ASXL2: variants seen among roughly 807,000 people sequenced by gnomAD.
ASXL2 encodes ASXL transcriptional regulator 2.
Under a neutral mutation model 122.0 loss-of-function variants are expected in ASXL2, and 23 were observed. The observed-to-expected ratio is 0.19, with a 90% confidence interval of 0.14 to 0.27. The LOEUF (loss-of-function observed/expected upper bound fraction) is 0.27. ASXL2 is among the 10% of genes least tolerant of loss of function. The pLI, the probability that ASXL2 is intolerant of heterozygous loss-of-function variation, is 1.00. For synonymous variants in ASXL2, 650 were observed against 637.0 expected (o/e 1.02, Z -0.31); for missense variants, 1,518 against 1,713.8 (o/e 0.89, Z 2.02).
chr2:25,821,698 A>G lies in ASXL2; in HGVS notation c.143+13840T>C, dbSNP rs2089313261. On this transcript the variant is annotated intron_variant, in intron 3 of 12. Coordinates refer to ENST00000435504, the MANE Select transcript of ASXL2 (RefSeq NM_018263.6). ...ATAAAACAAAATGTATCCAGAAAAC[A>G]AAGCACTTGATCACTTGACTAACCA... Among the ~76,000 whole-genome samples the G allele has an allele frequency of 3.3e-5, 5 of 152,222 alleles. No homozygotes were observed. In the South Asian group the frequency reaches 1.0e-3, roughly 32 times the overall value.
intron 3 of ASXL2, among the ~76,000 whole-genome samples, chr2:25,827,477 T>C (rs13418205): frequency 0.28 from 42,140 of 152,104 alleles, 6,146 homozygotes; most frequent in African/African-American, 0.32. Flanking sequence ...TTCCTACACA[T>C]CTTCAGTAAA....
At chr2:25,833,577 T>C (rs998681472) in intron 3 of ASXL2, among the ~76,000 whole-genome samples, 1 of 152,094 alleles carries the variant, frequency 6.6e-6, no homozygotes, top group African/African-American at 2.4e-5. Context: ...GCGCCTGTAA[T>C]CTCAGTTACT....
chr2:25,878,339 T>C lies in ASXL2; in HGVS notation c.-117A>G. 1 of 928,378 alleles carries C rather than the reference T, an allele frequency of 1.1e-6. No homozygotes were observed. Among genetic ancestry groups the C allele is most frequent in the East Asian group, 3.7e-5 (1 of 27,232 alleles). 57.5% of individuals were successfully genotyped at this position (928,378 alleles called of 1,614,324 possible). ...CGGGAAAGGTGGGAGAAAAGGGAAG[T>C]CAGACCGGGGGGGCACCCAAGCAGA... is the stretch of plus-strand genomic sequence containing the variant. On this transcript the variant is annotated 5_prime_UTR_variant, in exon 1 of 13. It removes the in-frame stop codon of an upstream open reading frame in the 5' UTR. Coordinates refer to ENST00000435504, the MANE Select transcript of ASXL2 (RefSeq NM_018263.6).
In ASXL2 at chr2:25,742,839, A is replaced by G; in HGVS notation, c.3498T>C (p.Cys1166=). Residue 1166 remains cysteine, a synonymous_variant, in exon 13 of 13, where the codon TGT becomes TGC. Coordinates refer to ENST00000435504, the MANE Select transcript of ASXL2 (RefSeq NM_018263.6). ...TEALKMGYTD[C]KNATGESSSS... ...TGCTACTCTCTCCTGTTGCATTTTTACAGTCTGTATATCCCATTTTCAAGG... is the reference window on the plus strand; with the variant it reads ...TGCTACTCTCTCCTGTTGCATTTTTGCAGTCTGTATATCCCATTTTCAAGG... 6.2e-7 allele frequency: 1 copy of G among 1,613,868 alleles called. No individual in the cohort carries two copies. Among genetic ancestry groups the G allele is most frequent in the Non-Finnish European group, 8.5e-7 (1 of 1,179,872 alleles).
At chr2:25,784,104 G>A (rs2149163477) in intron 5 of ASXL2, among the ~76,000 whole-genome samples, 1 of 136,422 alleles carries the variant, frequency 7.3e-6, no homozygotes, top group South Asian at 2.3e-4. Context: ...TAAATATAAA[G>A]TTAGCCAGGT....
chr2:25,816,383 C>A (rs2089234480), intron 3 of ASXL2, among the ~76,000 whole-genome samples: 1 of 152,194 alleles, frequency 6.6e-6, no homozygotes, highest in South Asian at 2.1e-4. Context: ...TGTGACCTTG[C>A]AGTACGTTAC....
intron 12 of ASXL2, among the ~76,000 whole-genome samples, chr2:25,746,254 T>C (rs2087939894): frequency 1.3e-5 from 2 of 152,196 alleles, no homozygotes; most frequent in African/African-American, 4.8e-5. Flanking sequence ...AGGTCAGTAG[T>C]CCTCAAAAAC....
intron 12 of ASXL2, among the ~76,000 whole-genome samples, chr2:25,745,593 A>G (rs966936939): frequency 6.8e-6 from 1 of 147,126 alleles, no homozygotes; most frequent in Non-Finnish European, 1.5e-5. Context: ...CTAAAAAGCT[A>G]CTTGTGAGAT....
chr2:25,823,724 CTTTCT>C (rs1378227897), intron 3 of ASXL2, among the ~76,000 whole-genome samples: 2 of 134,206 alleles, frequency 1.5e-5, no homozygotes, highest in Non-Finnish European at 3.2e-5. Context: ...TATTGGATTT[CTTTCT>C]TTTTTTTTTT....
At chr2:25,828,812 G>A (rs1280858448) in intron 3 of ASXL2, among the ~76,000 whole-genome samples, 1 of 114,392 alleles carries the variant, frequency 8.7e-6, no homozygotes, top group African/African-American at 3.4e-5. Context: ...GCAACAGTGT[G>A]AGACTGTGTC....
At chr2:25,832,273 G>C (rs2089463863) in intron 3 of ASXL2, among the ~76,000 whole-genome samples, 2 of 152,200 alleles carry the variant, frequency 1.3e-5, no homozygotes, top group Admixed American at 1.3e-4. Flanking sequence ...ACTTCACTTA[G>C]AGTGGTAAAA....
intron 10 of ASXL2, 134 bp downstream of exon 10, chr2:25,755,884 A>T: frequency 1.3e-6 from 1 of 751,234 alleles, no homozygotes; most frequent in Non-Finnish European, 2.3e-6. Flanking sequence ...AACGTGTTCC[A>T]CACATGATGG....
chr2:25,783,309 C>T (rs367834601), intron 5 of ASXL2, among the ~76,000 whole-genome samples: 3 of 151,394 alleles, frequency 2.0e-5, no homozygotes, highest in South Asian at 4.2e-4. Flanking sequence ...AGAAAAGTAT[C>T]CCATTTCATC....
chr2:25,825,378 A>G (rs1467038353), intron 3 of ASXL2, among the ~76,000 whole-genome samples: 1 of 152,182 alleles, frequency 6.6e-6, no homozygotes, highest in Non-Finnish European at 1.5e-5. Context: ...TGTTAAGTAC[A>G]GTCACCCTGT....
chr2:25,859,144 T>C (rs2089817415), intron 1 of ASXL2, among the ~76,000 whole-genome samples: 1 of 149,536 alleles, frequency 6.7e-6, no homozygotes, highest in South Asian at 2.1e-4. Flanking sequence ...TTTTGCTATG[T>C]TGCCCAGACT....
intron 5 of ASXL2, among the ~76,000 whole-genome samples, chr2:25,793,370 T>C (rs763140017): frequency 6.6e-6 from 1 of 152,206 alleles, no homozygotes; most frequent in Non-Finnish European, 1.5e-5. Flanking sequence ...AAAAGGTACA[T>C]ACATACATTA....
intron 5 of ASXL2, among the ~76,000 whole-genome samples, chr2:25,783,099 A>C (rs1051443039): frequency 9.9e-5 from 15 of 152,226 alleles, no homozygotes; most frequent in African/African-American, 3.6e-4. Context: ...ACTGCACTCC[A>C]GCCTGGGGGA....
intron 8 of ASXL2, among the ~76,000 whole-genome samples, chr2:25,763,481 C>T (rs2088288860): frequency 6.6e-6 from 1 of 150,722 alleles, no homozygotes; most frequent in Non-Finnish European, 1.5e-5. Context: ...CAGATCAAGA[C>T]TCCATGTTAA....
At chr2:25,830,691 A>G (rs144781765) in intron 3 of ASXL2, 236 of 151,914 alleles carry the variant, frequency 1.6e-3, no homozygotes, top group African/African-American at 5.5e-3. Flanking sequence ...ATGCTTCAAG[A>G]ACTACTTAAA....
Sources: gnomAD v4.1 joint callset for allele counts (sites outside exome capture counted in the v4.1 genomes callset) on GRCh38, gnomAD v4.1.1 for gene constraint, MANE v1.5 for transcripts, NCBI Gene and HGNC (gene_info 2026-07-23, HGNC 2026-07-21) for gene names.